The following CDC5L variants were observed in gnomAD, a reference collection of about 807,000 sequenced individuals.
CDC5L encodes cell division cycle 5-like protein.
In CDC5L, 18 loss-of-function variants were observed where a neutral mutation model predicts 104.1. The ratio of observed to expected loss-of-function variants is 0.17; its 90% CI spans 0.12 to 0.26. The LOEUF (loss-of-function observed/expected upper bound fraction) is 0.26, where lower values mean the gene tolerates loss of function less well. Among genes scored for constraint, CDC5L ranks in the 10% least tolerant of loss-of-function variants. The pLI is 1.00. For synonymous variants in CDC5L, 331 were observed against 322.7 expected, an observed-to-expected ratio of 1.03 and a Z score of -0.28; for missense variants, 673 against 956.9, an observed-to-expected ratio of 0.70 and a Z score of 3.91.
At chr6:44,411,221 G>A (rs1355046681) in intron 8 of CDC5L, among the ~76,000 whole-genome samples, 10 of 152,080 alleles carry the variant, frequency 6.6e-5, no homozygotes, top group African/African-American at 2.4e-4. Flanking sequence ...CTGATTGGAA[G>A]CTCCTTAGGT....
intron 8 of CDC5L, among the ~76,000 whole-genome samples, chr6:44,410,602 T>C (rs1791580750): frequency 6.6e-6 from 1 of 152,224 alleles, no homozygotes; most frequent in South Asian, 2.1e-4. Context: ...GTGTTGAAGG[T>C]AGCACTGCAA....
chr6:44,450,028 T>A lies in CDC5L; in HGVS notation c.*3317T>A, dbSNP rs1359484824. ...ACAGGCATGTGCCACCGCACCTGGC[T>A]AATTTTTGTGTTTTTAGTAGAGATG... On this transcript the variant is annotated 3_prime_UTR_variant, in exon 16 of 16. Coordinates refer to ENST00000371477, the MANE Select transcript of CDC5L (RefSeq NM_001253.4). The A allele has an allele frequency of 6.6e-6, 1 of 152,096 alleles. No individual in the cohort carries two copies. Among genetic ancestry groups the A allele is most frequent in the African/African-American group, 2.4e-5 (1 of 41,400 alleles). The allele number at this position is 152,096 out of a possible 1,614,324, so 9.4% of individuals were successfully genotyped here. A position where few individuals can be genotyped will look rare whatever the true frequency, so the allele number is the denominator to read the frequency against.
chr6:44,397,805 C>T (rs543721676), intron 5 of CDC5L, among the ~76,000 whole-genome samples: 1 of 152,352 alleles, frequency 6.6e-6, no homozygotes, highest in East Asian at 1.9e-4. Context: ...ATATATTACA[C>T]ATTGTCTTTC....
At chr6:44,433,210 T>G (rs1361286438) in intron 14 of CDC5L, among the ~76,000 whole-genome samples, 1 of 152,178 alleles carries the variant, frequency 6.6e-6, no homozygotes, top group Non-Finnish European at 1.5e-5. Flanking sequence ...CTGTTCTAGG[T>G]CCTGGGGATA....
At chr6:44,395,880 G>A (rs1345903096) in intron 4 of CDC5L, among the ~76,000 whole-genome samples, 1 of 151,558 alleles carries the variant, frequency 6.6e-6, no homozygotes, top group East Asian at 1.9e-4. Flanking sequence ...TGTTCTGAGG[G>A]GAAAAAAAAG....
Position 44,447,073 on chromosome 6 carries a change from A to C in CDC5L, c.*362A>C. The C allele has an allele frequency of 6.3e-6, 1 of 158,724 alleles. No individual in the cohort carries two copies. The highest frequency in any genetic ancestry group is 1.4e-5 in the Non-Finnish European group (1 of 72,480). 9.8% of individuals were successfully genotyped at this position (158,724 alleles called of 1,614,324 possible). ...GTAGCCTTTTGTTTGAAGTAATTAG[A>C]TACTTAAGAGTGCCTGCAAACCAGC... On this transcript the variant is annotated 3_prime_UTR_variant, in exon 16 of 16. Transcript: ENST00000371477.
chr6:44,434,934 C>G (rs1044299578), intron 14 of CDC5L, among the ~76,000 whole-genome samples: 41 of 152,104 alleles, frequency 2.7e-4, no homozygotes, highest in African/African-American at 9.6e-4. Context: ...CTCTTCTATG[C>G]ATTTAAAAAA....
At chr6:44,397,636 G>A (rs2153375509) in intron 5 of CDC5L, among the ~76,000 whole-genome samples, 1 of 152,306 alleles carries the variant, frequency 6.6e-6, no homozygotes, top group South Asian at 2.1e-4. Flanking sequence ...ACAAGATTAT[G>A]TGTCTTTTGT....
At chr6:44,391,540 G>A (rs1790622118) in intron 2 of CDC5L, among the ~76,000 whole-genome samples, 1 of 152,128 alleles carries the variant, frequency 6.6e-6, no homozygotes, top group Non-Finnish European at 1.5e-5. Context: ...GAGCCACCGC[G>A]CCCGGCTGGT....
intron 14 of CDC5L, among the ~76,000 whole-genome samples, chr6:44,430,164 A>G (rs569213427): frequency 1.3e-5 from 2 of 151,696 alleles, no homozygotes; most frequent in East Asian, 3.9e-4. Flanking sequence ...AGTTGACCAG[A>G]GGTCAATCAG....
At chr6:44,438,185 C>T (rs569104362) in intron 14 of CDC5L, among the ~76,000 whole-genome samples, 6 of 152,244 alleles carry the variant, frequency 3.9e-5, no homozygotes, top group African/African-American at 1.2e-4. Flanking sequence ...TGGGCTCAAG[C>T]GATCCACCTG....
intron 6 of CDC5L, 115 bp from the exon 7 acceptor site, chr6:44,406,208 G>T: frequency 2.4e-6 from 2 of 822,802 alleles, no homozygotes; most frequent in Non-Finnish European, 3.7e-6. Flanking sequence ...GGCCTTTTCA[G>T]TTATTTTCTT....
Position 44,392,658 on chromosome 6 carries a change from G to A in CDC5L, c.150-9G>A. 6.2e-7 allele frequency: 1 copy of A among 1,612,168 alleles called. No individual in the cohort carries two copies. Among genetic ancestry groups the A allele is most frequent in the Non-Finnish European group, 8.5e-7 (1 of 1,178,678 alleles). ...CTGATTAATATATAAAATGATCTAT[G>A]TTTAATAGGTATGAATGGCTGGATC... On this transcript the variant is annotated splice_polypyrimidine_tract_variant and intron_variant, in intron 2 of 15. Transcript: ENST00000371477.
In CDC5L at chr6:44,449,706, AAAC is replaced by A. The variant is rs1793576823; in HGVS notation, c.*2996_*2998del. 6.6e-6 allele frequency: 1 copy of A among 152,156 alleles called. No individual in the cohort carries two copies. Among genetic ancestry groups the A allele is most frequent in the African/African-American group, 2.4e-5 (1 of 41,406 alleles). The allele number at this position is 152,156 out of a possible 1,614,324, so 9.4% of individuals were successfully genotyped here. A position where few individuals can be genotyped will look rare whatever the true frequency, so the allele number is the denominator to read the frequency against. On this transcript the variant is annotated 3_prime_UTR_variant, in exon 16 of 16. Transcript: ENST00000371477. The stretch of plus-strand genomic sequence containing the variant: ...TAGAGACATAATGCTGTCTAATAAA[AAAC>A]GACATCAAAGAAAAACTACACTACA...
chr6:44,435,104 C>G (rs1425697317), intron 14 of CDC5L, among the ~76,000 whole-genome samples: 1 of 146,340 alleles, frequency 6.8e-6, no homozygotes, highest in Non-Finnish European at 1.5e-5. Context: ...CACATACTCC[C>G]ATATATCTTT....
intron 14 of CDC5L, among the ~76,000 whole-genome samples, chr6:44,431,707 A>G (rs886388741): frequency 6.6e-6 from 1 of 152,212 alleles, no homozygotes; most frequent in African/African-American, 2.4e-5. Context: ...GTGGTGCCAT[A>G]AAGTACAGTA....
At chr6:44,402,550 G>A (rs1039896811) in intron 5 of CDC5L, among the ~76,000 whole-genome samples, 18 of 152,092 alleles carry the variant, frequency 1.2e-4, no homozygotes, top group Non-Finnish European at 2.1e-4. Context: ...ATACTGTTTT[G>A]TAACTTGTTT....
At position 44,404,013 on chromosome 6, in the gene CDC5L, T is replaced by C. The variant is rs201410925; in HGVS notation, c.744T>C (p.Asp248=). The C allele has an allele frequency of 6.2e-7, 1 of 1,609,130 alleles. No homozygotes were observed. The highest frequency in any genetic ancestry group is 2.2e-5 in the East Asian group (1 of 44,836). Residue 248 remains aspartate (D), a synonymous_variant, in exon 6 of 16, where the codon GAT becomes GAC. Transcript: ENST00000371477. ...DFRKLRQQDL[D]GELRSEKEGR... ...GGAAATTAAGACAACAGGATCTTGA[T>C]GGGGAGCTAAGATCGTAAGTTGCCT...
At chr6:44,421,283 C>A (rs1057045502) in intron 9 of CDC5L, among the ~76,000 whole-genome samples, 8 of 152,150 alleles carry the variant, frequency 5.3e-5, no homozygotes, top group African/African-American at 1.9e-4. Context: ...CTTTATAACT[C>A]TTGCTTAGTT....
Sources: allele counts gnomAD v4.1 joint callset (sites outside exome capture counted in the v4.1 genomes callset), GRCh38; gene constraint gnomAD v4.1.1; transcripts MANE v1.5; gene names NCBI Gene and HGNC (gene_info 2026-07-23, HGNC 2026-07-21).